The following AGAP2 variants were observed in gnomAD, a reference collection of about 807,000 sequenced individuals.
AGAP2 encodes arf-GAP with GTPase, ANK repeat and PH domain-containing protein 2.
A neutral mutation model predicts 110.9 loss-of-function variants in AGAP2; 32 were observed. That is an observed-to-expected ratio of 0.29 (90% CI 0.22 to 0.39). The LOEUF (loss-of-function observed/expected upper bound fraction) is 0.39. AGAP2 is among the 10% of genes least tolerant of loss of function. The pLI, the probability that AGAP2 is intolerant of heterozygous loss-of-function variation, is 1.00. For synonymous variants in AGAP2, 702 were observed against 713.0 expected (o/e 0.98, Z 0.25); for missense variants, 1,285 against 1,638.5 (o/e 0.78, Z 3.72).
At chr12:57,741,369 T>C (rs1011018917), upstream of AGAP2, among the ~76,000 whole-genome samples, 3 of 152,124 alleles carry the variant, frequency 2.0e-5, no homozygotes, top group African/African-American at 7.2e-5. Flanking sequence ...ATCTGCACTT[T>C]GGCTCTGCAG....
chr12:57,728,405 G>C, intron 13 of AGAP2, 28 bp from the exon 14 acceptor site: 2 of 1,610,706 alleles, frequency 1.2e-6, no homozygotes, highest in Non-Finnish European at 1.7e-6. Context: ...AGGAGATAGA[G>C]ATAGAATGGA....
chr12:57,729,549 C>A lies in AGAP2; in HGVS notation c.2557+90G>T, dbSNP rs367609459. 55 of 1,534,560 alleles carry A rather than the reference C, an allele frequency of 3.6e-5. 1 individual carries two copies. In the South Asian group the frequency reaches 6.4e-4, roughly 18 times the overall value. On this transcript the variant is annotated intron_variant, in intron 13 of 18. Coordinates refer to ENST00000547588, the MANE Select transcript of AGAP2 (RefSeq NM_001122772.3). The stretch of plus-strand genomic sequence containing the variant: ...GGTAGTCAAGCACTCAGCTCAGGCA[C>A]TTTTCCTCCTGCTGCAGGAGTTAGG...
upstream of AGAP2, among the ~76,000 whole-genome samples, chr12:57,741,427 T>C (rs745784129): frequency 7.2e-5 from 11 of 152,158 alleles, no homozygotes; most frequent in Non-Finnish European, 1.6e-4. Context: ...TGAGATTCTC[T>C]GCATGGTGTA....
rs562492474 is a variant in AGAP2 at position 57,731,357 on chromosome 12, G to A, written c.2145+9C>T. Reference sequence around the variant, plus strand: ...AGCTGGCCAATGTGGCCCAGTCTCTGCCACTCACGTTAATACTGGGGTGGT... The same window carrying A: ...AGCTGGCCAATGTGGCCCAGTCTCTACCACTCACGTTAATACTGGGGTGGT... On this transcript the variant is annotated intron_variant, in intron 10 of 18. Transcript: ENST00000547588. The A allele has an allele frequency of 1.8e-4, 296 of 1,604,516 alleles. 7 individuals carry two copies. The South Asian group carries it at 3.0e-3, about 16-fold the overall frequency.
upstream of AGAP2, among the ~76,000 whole-genome samples, chr12:57,740,383 T>C (rs1298681666): frequency 6.6e-6 from 1 of 152,158 alleles, no homozygotes; most frequent in Non-Finnish European, 1.5e-5. Flanking sequence ...TGTTTTTTGA[T>C]GGAGAGGGTG....
intron 13 of AGAP2, among the ~76,000 whole-genome samples, 163 bp from the exon 14 acceptor site, chr12:57,728,540 A>G (rs1165934304): frequency 2.0e-5 from 3 of 152,206 alleles, no homozygotes; most frequent in Admixed American, 6.5e-5. Context: ...GAGAAAGCAG[A>G]ACTAAAGTCA....
chr12:57,735,651 T>C (rs1318204357), intron 1 of AGAP2, among the ~76,000 whole-genome samples: 2 of 152,196 alleles, frequency 1.3e-5, no homozygotes, highest in African/African-American at 4.8e-5. Flanking sequence ...GCAACGGAGC[T>C]AGCAAGACAA....
upstream of AGAP2, among the ~76,000 whole-genome samples, chr12:57,738,851 C>A (rs1484117972): frequency 7.2e-6 from 1 of 138,460 alleles, no homozygotes; most frequent in Non-Finnish European, 1.6e-5. This position sits in a 1 kb window ranked among gnomAD's most constrained non-coding sequence, Gnocchi z 6.7. Flanking sequence ...TGGGAACCCA[C>A]GGGTCTGGGG....
chr12:57,729,994 C>T (rs1022603583), intron 12 of AGAP2, among the ~76,000 whole-genome samples: 1 of 152,098 alleles, frequency 6.6e-6, no homozygotes, highest in African/African-American at 2.4e-5. Flanking sequence ...GGCCTTAAGA[C>T]CTTGAGCAAG....
chr12:57,732,614 A>G, intron 6 of AGAP2, 102 bp from the exon 7 acceptor site: 1 of 1,311,950 alleles, frequency 7.6e-7, no homozygotes, highest in Non-Finnish European at 1.1e-6. Context: ...ACAGGACCCA[A>G]CTTCCTTGTC....
In AGAP2 at chr12:57,738,158, G is replaced by A. The variant is rs1252960491; in HGVS notation, c.89C>T (p.Pro30Leu). Residue 30 changes from proline to leucine, a missense_variant, in exon 1 of 19, where the codon CCG becomes CTG. This residue lies in a region of AGAP2 where 844 missense variants were observed against 941.2 expected (regional missense o/e 0.90). Transcript: ENST00000547588. The surrounding 1 kb of genome is among the most constrained non-coding windows in gnomAD (Gnocchi z 6.7). ...TLVKLESVPP[P>L]PPSPSAAAAG... The stretch of plus-strand genomic sequence containing the variant: ...CGCGGCCGCAGACGGAGAAGGCGGC[G>A]GCGGAGGCACCGACTCGAGCTTAAC... The A allele has an allele frequency of 2.0e-6, 3 of 1,524,216 alleles. No homozygotes were observed. The highest frequency in any genetic ancestry group is 4.0e-5 in the Admixed American group (2 of 50,358). The allele number at this position is 1,524,216 out of a possible 1,614,324, so 94.4% of individuals were successfully genotyped here.
At chr12:57,730,979 T>C in intron 10 of AGAP2, 26 bp from the exon 11 acceptor site, 1 of 1,488,414 alleles carries the variant, frequency 6.7e-7, no homozygotes, top group South Asian at 1.3e-5. Flanking sequence ...GCCGAGAGTG[T>C]AGGGAAGGTT....
At chr12:57,731,769 G>C in intron 8 of AGAP2, 40 bp downstream of exon 8, 1 of 1,558,738 alleles carries the variant, frequency 6.4e-7, no homozygotes. Flanking sequence ...CAGGTCATGG[G>C]GGACAGGAGG....
chr12:57,729,896 G>A (rs1954852038), intron 12 of AGAP2, 129 bp from the exon 13 acceptor site: 1 of 1,321,810 alleles, frequency 7.6e-7, no homozygotes, highest in Admixed American at 2.4e-5. Flanking sequence ...CCCTCTCCAG[G>A]AGTTCCCCCT....
At chr12:57,736,386 C>T (rs1289273722) in intron 1 of AGAP2, among the ~76,000 whole-genome samples, 3 of 152,250 alleles carry the variant, frequency 2.0e-5, no homozygotes, top group Admixed American at 1.3e-4. Flanking sequence ...TACGGATTGC[C>T]TTTGCAGCAG....
intron 1 of AGAP2, among the ~76,000 whole-genome samples, chr12:57,735,999 C>A (rs900518286): frequency 1.3e-5 from 2 of 152,184 alleles, no homozygotes; most frequent in African/African-American, 2.4e-5. Context: ...ATCTCCCACA[C>A]CCTCCCCACA....
Position 57,731,439 on chromosome 12 carries a change from A to G in AGAP2, c.2072T>C (p.Leu691Ser). ...ATATTTCTTCTTCCATTCTTTGTTCAAGGAATTGCCACTTCGTTTTAGTAG... is the reference window on the plus strand; with the variant it reads ...ATATTTCTTCTTCCATTCTTTGTTCGAGGAATTGCCACTTCGTTTTAGTAG... The part of the protein sequence containing the change: ...SFLLKRSGNS[L>S]NKEWKKKYVT... Residue 691 changes from leucine to serine, a missense_variant, in exon 10 of 19, where the codon TTG becomes TCG. Leu to Ser is a moderately radical substitution (Grantham distance 145). This residue lies in a region of AGAP2 where 24 missense variants were observed against 69.5 expected (regional missense o/e 0.35). Coordinates refer to ENST00000547588, the MANE Select transcript of AGAP2 (RefSeq NM_001122772.3). 1.2e-6 allele frequency: 2 copies of G among 1,614,178 alleles called. No homozygotes were observed. Among genetic ancestry groups the G allele is most frequent in the Non-Finnish European group, 1.7e-6 (2 of 1,180,034 alleles).
At chr12:57,727,604 C>T (rs1954795686) in intron 16 of AGAP2, 22 bp from the exon 17 acceptor site, 1 of 1,594,338 alleles carries the variant, frequency 6.3e-7, no homozygotes, top group East Asian at 2.3e-5. Context: ...GCGTAGAGGT[C>T]GGCTCCCAGC....
chr12:57,736,940 C>G, intron 1 of AGAP2, 139 bp downstream of exon 1: 2 of 1,427,002 alleles, frequency 1.4e-6, no homozygotes, highest in Non-Finnish European at 9.1e-7. Context: ...TGCCCCAATC[C>G]TTGACAGAGG....
Sources: allele counts gnomAD v4.1 joint callset (sites outside exome capture counted in the v4.1 genomes callset), GRCh38; gene constraint gnomAD v4.1.1; regional missense constraint gnomAD v4.1.1; non-coding constraint Gnocchi (gnomAD v3.1); transcripts MANE v1.5; gene names NCBI Gene and HGNC (gene_info 2026-07-23, HGNC 2026-07-21).